Variants in TCERG1L observed in about 807,000 individuals in gnomAD.
TCERG1L encodes the protein transcription elongation regulator 1 like.
TCERG1L carries 37 observed loss-of-function variants against 56.3 expected under a neutral mutation model. The observed-to-expected ratio is 0.66, with a 90% CI of 0.51 to 0.87. The LOEUF (loss-of-function observed/expected upper bound fraction) is 0.87, where lower values mean the gene tolerates loss of function less well. Ranked by LOEUF, TCERG1L falls within the 40% of genes least tolerant of loss-of-function variation. TCERG1L has a pLI of 0.00. For missense variants in TCERG1L, 799 were observed against 774.2 expected (o/e 1.03, Z -0.38); for synonymous variants, 324 against 326.3 (o/e 0.99, Z 0.08).
intron 4 of TCERG1L, among the ~76,000 whole-genome samples, chr10:131,201,614 A>C (rs12358884): frequency 0.076 from 11,563 of 152,266 alleles, 652 homozygotes; most frequent in East Asian, 0.26. Flanking sequence ...AATATATAAA[A>C]ATAAAATAAA....
chr10:131,101,200 G>A (rs1449928495), intron 10 of TCERG1L, among the ~76,000 whole-genome samples: 1 of 152,214 alleles, frequency 6.6e-6, no homozygotes, highest in African/African-American at 2.4e-5. Context: ...CAGCCTCACA[G>A]TGCTCCCTTG....
intron 4 of TCERG1L, among the ~76,000 whole-genome samples, chr10:131,185,728 A>C (rs1472983603): frequency 6.6e-6 from 1 of 152,218 alleles, no homozygotes; most frequent in African/African-American, 2.4e-5. Flanking sequence ...TCAGAAAATA[A>C]AGGAAAATAA....
chr10:131,302,405 T>C lies in TCERG1L; in HGVS notation c.670+5806A>G, dbSNP rs57829275. On this transcript the variant is annotated intron_variant, in intron 3 of 11. Transcript: ENST00000368642. ...TCATCAGATGGGTTTTATTTAACCT[T>C]ACATATATTGACTTATTTTCCAACC... Among the ~76,000 whole-genome samples, 12 of 151,994 alleles carry C rather than the reference T, an allele frequency of 7.9e-5. No homozygotes were observed. In the East Asian group the frequency reaches 1.2e-3, roughly 15 times the overall value.
intron 6 of TCERG1L, among the ~76,000 whole-genome samples, chr10:131,151,226 G>A (rs376597681): frequency 1.3e-5 from 2 of 152,046 alleles, no homozygotes; most frequent in Non-Finnish European, 2.9e-5. Context: ...AGCATTAACC[G>A]AAAAGTCCAA....
intron 8 of TCERG1L, among the ~76,000 whole-genome samples, chr10:131,120,981 T>C (rs1011485504): frequency 3.3e-5 from 5 of 152,222 alleles, no homozygotes; most frequent in Non-Finnish European, 5.9e-5. Flanking sequence ...GTTACACACA[T>C]GCGAAGCCTC....
intron 6 of TCERG1L, among the ~76,000 whole-genome samples, chr10:131,160,287 AG>A (rs1271012943): frequency 6.6e-6 from 1 of 152,184 alleles, no homozygotes; most frequent in African/African-American, 2.4e-5. Flanking sequence ...CCTCTGCCTT[AG>A]TGGCACCAGT....
intron 11 of TCERG1L, 21 bp downstream of exon 11, chr10:131,098,285 G>A (rs377085859): frequency 6.3e-5 from 97 of 1,547,192 alleles, no homozygotes; most frequent in East Asian, 2.0e-4. Context: ...GAAATCATCC[G>A]GTATATTTCT....
intron 3 of TCERG1L, among the ~76,000 whole-genome samples, chr10:131,280,307 G>T (rs1483136111): frequency 1.3e-5 from 2 of 152,020 alleles, no homozygotes; most frequent in Non-Finnish European, 2.9e-5. Flanking sequence ...TGGGAGGCAG[G>T]TTGGCCCTAA....
At position 131,308,311 on chromosome 10, in the gene TCERG1L, C is replaced by T. The variant is rs138168329; in HGVS notation, c.570G>A (p.Lys190=). 210 of 1,613,936 alleles carry T rather than the reference C, an allele frequency of 1.3e-4. No individual in the cohort carries two copies. The African/African-American group carries it at 2.4e-3, about 19-fold the overall frequency. ...EESRFFHGHE[K]PRLLANQVAV... is the part of the protein sequence containing the mutation. Reference sequence around the variant, plus strand: ...CTACTTGATTTGCCAGCAAACGAGGCTTTTCATGCCCATGGAAAAACCTTG... The same window carrying T: ...CTACTTGATTTGCCAGCAAACGAGGTTTTTCATGCCCATGGAAAAACCTTG... The change falls in exon 3 of 12, where the codon AAG becomes AAA. Residue 190 remains lysine (K), a synonymous_variant. Transcript: ENST00000368642.
intron 7 of TCERG1L, among the ~76,000 whole-genome samples, chr10:131,140,468 C>T (rs1342842739): frequency 1.3e-5 from 2 of 152,216 alleles, no homozygotes; most frequent in Non-Finnish European, 2.9e-5. Flanking sequence ...GTGTCATCCT[C>T]CCTCCCCAGA....
rs1271972411 is a variant in TCERG1L at position 131,175,647 on chromosome 10, T to G, written c.857-8762A>C. ...ATTACGCTCAAAGTTCTCATCTTTA[T>G]CCAAAGTAGGGATGTTAAAAGCAAA... is the stretch of plus-strand genomic sequence containing the variant. On this transcript the variant is annotated intron_variant, in intron 4 of 11. Coordinates refer to ENST00000368642, the MANE Select transcript of TCERG1L (RefSeq NM_174937.4). Among the ~76,000 whole-genome samples, 3 of 152,254 alleles carry G rather than the reference T, an allele frequency of 2.0e-5. No homozygotes were observed. In the East Asian group the frequency reaches 5.8e-4, roughly 29 times the overall value.
At chr10:131,184,987 C>T (rs186147878) in intron 4 of TCERG1L, among the ~76,000 whole-genome samples, 4 of 152,218 alleles carry the variant, frequency 2.6e-5, no homozygotes, top group East Asian at 3.9e-4. Context: ...GTAGAGATTA[C>T]GGCAGGCTGA....
At chr10:131,293,106 C>T (rs1327075945) in intron 3 of TCERG1L, among the ~76,000 whole-genome samples, 1 of 152,202 alleles carries the variant, frequency 6.6e-6, no homozygotes, top group Non-Finnish European at 1.5e-5. Context: ...TTGCCTCGGC[C>T]TCCCAAAGCG....
Position 131,146,629 on chromosome 10 carries a change from A to C in TCERG1L, c.1066T>G (p.Phe356Val), listed in dbSNP as rs1845798569. ...CVVWTGDDRV[F>V]FFNPTMHLSV... ...AGGTGCATCGTTGGGTTGAAGAAGA[A>C]AACTCGGTCATCGCCCGTCCAGACC... The change falls in exon 7 of 12, where the codon TTC (phenylalanine) becomes GTC (valine). Residue 356 changes from phenylalanine (F) to valine (V), a missense_variant. Physicochemically the swap from Phe to Val is conservative, Grantham distance 50. Transcript: ENST00000368642. 6.2e-7 allele frequency: 1 copy of C among 1,613,582 alleles called. No individual in the cohort carries two copies. The highest frequency in any genetic ancestry group is 8.5e-7 in the Non-Finnish European group (1 of 1,179,744).
At chr10:131,244,657 G>A (rs916450309) in intron 4 of TCERG1L, among the ~76,000 whole-genome samples, 1 of 152,144 alleles carries the variant, frequency 6.6e-6, no homozygotes, top group African/African-American at 2.4e-5. Context: ...AGGGTGCCGT[G>A]GAACTCCCTG....
At chr10:131,243,093 A>G (rs1036780569) in intron 4 of TCERG1L, among the ~76,000 whole-genome samples, 1 of 152,168 alleles carries the variant, frequency 6.6e-6, no homozygotes. Flanking sequence ...CTGAATACCT[A>G]AAGTTAGAAA....
intron 4 of TCERG1L, among the ~76,000 whole-genome samples, chr10:131,214,134 C>G (rs567451132): frequency 2.0e-5 from 3 of 152,182 alleles, no homozygotes; most frequent in Non-Finnish European, 4.4e-5. Flanking sequence ...TAGAAATGCA[C>G]AGGCCTCCTG....
chr10:131,285,510 AAGAAAGAAAGAAAGAG>A (rs777478995), intron 3 of TCERG1L, among the ~76,000 whole-genome samples: 3,765 of 29,290 alleles, frequency 0.13, 302 homozygotes, highest in South Asian at 0.34. Context: ...GAAAGAAAGA[AAGAAAGAAAGAAAGAG>A]AGAAAGAAAA....
chr10:131,274,346 C>G (rs536217626), intron 3 of TCERG1L, among the ~76,000 whole-genome samples: 1 of 152,340 alleles, frequency 6.6e-6, no homozygotes, highest in East Asian at 1.9e-4. Context: ...CCAGGGCCAA[C>G]GCCATTCCCA....
Sources: gnomAD v4.1 joint callset for allele counts (sites outside exome capture counted in the v4.1 genomes callset) on GRCh38, gnomAD v4.1.1 for gene constraint, MANE v1.5 for transcripts, NCBI Gene and HGNC (gene_info 2026-07-23, HGNC 2026-07-21) for gene names.